The following PTCSC3 variants were observed in gnomAD, a reference collection of about 807,000 sequenced individuals.
The protein encoded by PTCSC3 is papillary thyroid carcinoma susceptibility candidate 3.
intron 3 of PTCSC3, among the ~76,000 whole-genome samples, chr14:36,146,814 C>G (rs1274441488): frequency 6.6e-6 from 1 of 152,130 alleles, no homozygotes; most frequent in Non-Finnish European, 1.5e-5. Flanking sequence ...TTGTTCCTTT[C>G]CATATTTAGT....
intron 3 of PTCSC3, among the ~76,000 whole-genome samples, chr14:36,138,370 C>A (rs538884947): frequency 5.9e-5 from 9 of 152,324 alleles, no homozygotes; most frequent in Non-Finnish European, 1.3e-4. Context: ...TTCAAAACTT[C>A]TACTCTTCAA....
rs537076432 is a variant in PTCSC3 at position 36,148,420 on chromosome 14, G to A, written n.322+5384C>T. On this transcript the variant is annotated intron_variant and non_coding_transcript_variant, in intron 3 of 3. Transcript: ENST00000556013. The stretch of plus-strand genomic sequence containing the variant: ...CGCAGTATTCGGGTGGGAGTGACCC[G>A]ATTTTCCAGGTGCTGTCCGTCACCC... Among the ~76,000 whole-genome samples the A allele has an allele frequency of 6.4e-4, 97 of 152,178 alleles. 1 individual carries two copies. The South Asian group carries it at 0.011, about 18-fold the overall frequency.
chr14:36,157,914 G>C lies in PTCSC3; in HGVS notation n.232-4020C>G, dbSNP rs532346291. Among the ~76,000 whole-genome samples the C allele has an allele frequency of 2.0e-5, 3 of 151,130 alleles. No individual in the cohort carries two copies. In the South Asian group the frequency reaches 6.3e-4, roughly 32 times the overall value. On this transcript the variant is annotated intron_variant and non_coding_transcript_variant, in intron 2 of 3. Coordinates refer to ENST00000556013, the Ensembl canonical transcript of PTCSC3. Reference sequence around the variant, plus strand: ...GCATGGAATGCTTTTCCATTTGTTTGTGTCCTCTCTGATTTCCTTGAGCAG... The same window carrying C: ...GCATGGAATGCTTTTCCATTTGTTTCTGTCCTCTCTGATTTCCTTGAGCAG...
chr14:36,153,248 C>T (rs1185766271), intron 3 of PTCSC3, among the ~76,000 whole-genome samples: 2 of 152,178 alleles, frequency 1.3e-5, no homozygotes, highest in African/African-American at 4.8e-5. Context: ...CTAATTACTC[C>T]TAAAAGTTCT....
chr14:36,148,481 T>A (rs1411595028), intron 3 of PTCSC3, among the ~76,000 whole-genome samples: 1 of 152,208 alleles, frequency 6.6e-6, no homozygotes, highest in Admixed American at 6.5e-5. Context: ...CCCTGACCCC[T>A]TGGGCTTCCC....
chr14:36,157,046 C>A (rs1389354649), intron 2 of PTCSC3, among the ~76,000 whole-genome samples: 1 of 152,178 alleles, frequency 6.6e-6, no homozygotes, highest in African/African-American at 2.4e-5. Flanking sequence ...TAAAAGCTTT[C>A]CTATTTCTCC....
At chr14:36,156,782 A>G (rs934202540) in intron 2 of PTCSC3, among the ~76,000 whole-genome samples, 2 of 152,118 alleles carry the variant, frequency 1.3e-5, no homozygotes. Context: ...CATGGTGTAT[A>G]TGTGCCACAT....
At chr14:36,153,752 G>T (rs1881772113) in intron 3 of PTCSC3, 1 of 152,136 alleles carries the variant, frequency 6.6e-6, no homozygotes, top group Non-Finnish European at 1.5e-5. Context: ...TGTTATATTT[G>T]TACATGGAAT....
chr14:36,147,920 C>T (rs573345169), intron 3 of PTCSC3, among the ~76,000 whole-genome samples: 35 of 152,062 alleles, frequency 2.3e-4, no homozygotes, highest in Admixed American at 6.5e-4. Context: ...AATACCCTGC[C>T]GTGTGAGGTG....
At chr14:36,171,567 A>C (rs1425623260) in intron 1 of PTCSC3, among the ~76,000 whole-genome samples, 1 of 152,168 alleles carries the variant, frequency 6.6e-6, no homozygotes, top group African/African-American at 2.4e-5. Flanking sequence ...CTAATTGGGC[A>C]TTTCTCAAAT....
At chr14:36,152,123 G>A (rs1881736927) in intron 3 of PTCSC3, among the ~76,000 whole-genome samples, 1 of 151,394 alleles carries the variant, frequency 6.6e-6, no homozygotes, top group Non-Finnish European at 1.5e-5. Flanking sequence ...TCTTCTCTGT[G>A]GATTTTAGAT....
intron 3 of PTCSC3, among the ~76,000 whole-genome samples, chr14:36,147,841 G>A (rs1157168650): frequency 2.6e-5 from 4 of 151,790 alleles, no homozygotes. Flanking sequence ...TGGGTTTTTG[G>A]TGTGGAAGTC....
chr14:36,155,952 G>A (rs1454175338), intron 2 of PTCSC3, among the ~76,000 whole-genome samples: 1 of 152,120 alleles, frequency 6.6e-6, no homozygotes, highest in African/African-American at 2.4e-5. Context: ...AAATGTTACT[G>A]CATCCAATAG....
intron 1 of PTCSC3, among the ~76,000 whole-genome samples, chr14:36,168,360 A>AATATATATATATATATAT (rs147400390): frequency 6.1e-4 from 70 of 113,880 alleles, no homozygotes; most frequent in African/African-American, 1.6e-3. Flanking sequence ...ATTGATTCTG[A>AATATATATATATATATAT]ATATATATAT....
intron 3 of PTCSC3, among the ~76,000 whole-genome samples, chr14:36,140,246 A>T (rs908739348): frequency 5.3e-5 from 8 of 152,192 alleles, no homozygotes; most frequent in African/African-American, 1.9e-4. Context: ...ATTGAGGGAC[A>T]TCTTAGTTGC....
chr14:36,135,401 G>C, downstream of PTCSC3, among the ~76,000 whole-genome samples: 1 of 152,138 alleles, frequency 6.6e-6, no homozygotes, highest in East Asian at 1.9e-4. Flanking sequence ...TCCCATTCTG[G>C]CTGAATAATT....
rs573184462 is a variant in PTCSC3 at position 36,161,560 on chromosome 14, A to T, written n.231+1064T>A. ...GGGTATCTCCAGTAGAGGCTACAGA[A>T]CAGTAAAGATTGCTGCCTGTTCCTT... is the stretch of plus-strand genomic sequence containing the variant. On this transcript the variant is annotated intron_variant and non_coding_transcript_variant, in intron 2 of 3. Transcript: ENST00000556013. Among the ~76,000 whole-genome samples, 22 of 152,300 alleles carry T rather than the reference A, an allele frequency of 1.4e-4. No homozygotes were observed. The South Asian group carries it at 2.1e-3, about 14-fold the overall frequency.
intron 2 of PTCSC3, among the ~76,000 whole-genome samples, chr14:36,160,450 T>A (rs1384638365): frequency 6.6e-6 from 1 of 152,194 alleles, no homozygotes; most frequent in African/African-American, 2.4e-5. Context: ...AGCATTTGCT[T>A]GTCTGTAAAG....
intron 1 of PTCSC3, among the ~76,000 whole-genome samples, chr14:36,168,832 G>C (rs1351311068): frequency 6.6e-6 from 1 of 152,066 alleles, no homozygotes; most frequent in Non-Finnish European, 1.5e-5. Context: ...TTTTGCCCAA[G>C]TTGGTCTCAA....
Sources: allele counts gnomAD v4.1 joint callset (sites outside exome capture counted in the v4.1 genomes callset), GRCh38; gene constraint gnomAD v4.1.1; transcripts MANE v1.5; gene names NCBI Gene and HGNC (gene_info 2026-07-23, HGNC 2026-07-21).